The following DMD variants were observed in gnomAD, a reference collection of about 807,000 sequenced individuals.
The protein encoded by DMD is mutant dystrophin.
DMD carries 63 observed loss-of-function variants against 330.1 expected under a neutral mutation model. That is an observed-to-expected ratio of 0.19 (90% CI 0.16 to 0.24). The LOEUF (loss-of-function observed/expected upper bound fraction) is 0.24. DMD is among the 10% of genes least tolerant of loss of function. DMD has a pLI of 1.00. For synonymous variants in DMD, 1,223 were observed against 959.8 expected, an observed-to-expected ratio of 1.27 and a Z score of -5.07; for missense variants, 3,344 against 2,684.1, an observed-to-expected ratio of 1.25 and a Z score of -5.43.
chrX:32,867,390 A>T (rs2082598484), intron 2 of DMD, among the ~76,000 whole-genome samples: 1 of 112,315 alleles, frequency 8.9e-6, no homozygotes, highest in South Asian at 3.7e-4. Context: ...ATTTTAAAAT[A>T]AAGTTGAATA....
rs755716297 is a variant in DMD at position 31,888,928 on chromosome X, T to A, written c.6913-13555A>T. On this transcript the variant is annotated intron_variant, in intron 47 of 78. Coordinates refer to ENST00000357033, the MANE Select transcript of DMD (RefSeq NM_004006.3). Reference sequence around the variant, plus strand: ...ATTTCCTTTTTAAAGCATGTGGATTTTACTTACGATGCTTATACATCTATA... The same window carrying A: ...ATTTCCTTTTTAAAGCATGTGGATTATACTTACGATGCTTATACATCTATA... 2.7e-5 allele frequency among the ~76,000 whole-genome samples: 3 copies of A among 112,262 alleles called. No homozygotes were observed. The East Asian group carries it at 8.4e-4, about 31-fold the overall frequency.
At chrX:31,883,856 G>A (rs1434985643) in intron 47 of DMD, among the ~76,000 whole-genome samples, 2 of 106,070 alleles carry the variant, frequency 1.9e-5, no homozygotes, top group Non-Finnish European at 1.9e-5. Context: ...TTTCTCTAAA[G>A]CAAACATACA....
intron 9 of DMD, among the ~76,000 whole-genome samples, chrX:32,652,889 G>C (rs147378891): frequency 3.1e-4 from 35 of 112,021 alleles, no homozygotes; most frequent in African/African-American, 1.1e-3. Flanking sequence ...TTGTGGTTTT[G>C]ATTTGCATTT....
At chrX:31,931,660 A>T (rs1422297947) in intron 46 of DMD, among the ~76,000 whole-genome samples, 1 of 111,675 alleles carries the variant, frequency 9.0e-6, no homozygotes, top group African/African-American at 3.3e-5. Flanking sequence ...AGGACAGATT[A>T]AAAAAGTGAT....
intron 74 of DMD, among the ~76,000 whole-genome samples, chrX:31,154,449 C>A (rs776036237): frequency 2.8e-5 from 3 of 106,390 alleles, no homozygotes; most frequent in African/African-American, 1.0e-4. Flanking sequence ...CCCGCCACCA[C>A]GCCCGGCTTT....
intron 51 of DMD, among the ~76,000 whole-genome samples, chrX:31,751,126 C>T (rs969471825): frequency 3.7e-5 from 4 of 107,597 alleles, no homozygotes; most frequent in Admixed American, 1.0e-4. Context: ...TGACTTTCTT[C>T]ACAGAATTGG....
intron 7 of DMD, 132 bp from the exon 8 acceptor site, chrX:32,699,425 G>C (rs1298073589): frequency 1.8e-6 from 1 of 558,911 alleles, no homozygotes; most frequent in Non-Finnish European, 3.0e-6. Context: ...ATGTCCTCCA[G>C]AGACTAATTA....
rs770558720 is a variant in DMD, at chrX:33,107,595, C to T, written c.32-87395G>A. 3.6e-5 allele frequency among the ~76,000 whole-genome samples: 4 copies of T among 110,300 alleles called. No homozygotes were observed. The South Asian group carries it at 1.5e-3, about 42-fold the overall frequency. On this transcript the variant is annotated intron_variant, in intron 1 of 78. Transcript: ENST00000357033. ...TTCCATGGTAATGATTATTTAAAAC[C>T]CCATATTGACTATGAATTTATAGAT...
At chrX:33,196,615 G>A (rs2050956629) in intron 1 of DMD, among the ~76,000 whole-genome samples, 1 of 111,982 alleles carries the variant, frequency 8.9e-6, no homozygotes. Flanking sequence ...ATATACATTA[G>A]TTATTTGTGA....
intron 1 of DMD, among the ~76,000 whole-genome samples, chrX:33,318,713 C>G (rs1199282982): frequency 9.1e-6 from 1 of 110,240 alleles, no homozygotes; most frequent in Non-Finnish European, 1.9e-5. Context: ...TCCCAAAGTG[C>G]TGGGGTTACA....
intron 50 of DMD, among the ~76,000 whole-genome samples, chrX:31,779,047 C>T (rs1361646388): frequency 9.0e-6 from 1 of 111,363 alleles, no homozygotes; most frequent in Non-Finnish European, 1.9e-5. Context: ...TGGTTTTGTA[C>T]AGTCTGAGCA....
intron 52 of DMD, among the ~76,000 whole-genome samples, chrX:31,725,750 G>A (rs986691216): frequency 8.9e-6 from 1 of 112,032 alleles, no homozygotes; most frequent in African/African-American, 3.2e-5. Context: ...TGGGGGTTAC[G>A]GAGGGAGAAG....
intron 9 of DMD, among the ~76,000 whole-genome samples, chrX:32,655,791 T>A (rs2060523499): frequency 9.0e-6 from 1 of 111,389 alleles, no homozygotes; most frequent in Non-Finnish European, 1.9e-5. Context: ...TTTGTAGGTC[T>A]ATAAGGACTT....
chrX:31,341,526 G>C (rs1293748558), intron 61 of DMD, among the ~76,000 whole-genome samples: 1 of 111,735 alleles, frequency 8.9e-6, no homozygotes, highest in Non-Finnish European at 1.9e-5. Flanking sequence ...TAGCCCAGAG[G>C]TGTTGAGAGA....
intron 44 of DMD, among the ~76,000 whole-genome samples, chrX:31,986,933 A>G (rs781498747): frequency 2.7e-5 from 3 of 112,162 alleles, no homozygotes; most frequent in Non-Finnish European, 5.6e-5. Flanking sequence ...TAACTATGAT[A>G]GAAATGGAGT....
At position 32,069,021 on chromosome X, in the gene DMD, T is replaced by G. The variant is rs980456336; in HGVS notation, c.6439-100507A>C. Among the ~76,000 whole-genome samples, 6 of 112,170 alleles carry G rather than the reference T, an allele frequency of 5.3e-5. No homozygotes were observed. In the Admixed American group the frequency reaches 5.7e-4, roughly 11 times the overall value. On this transcript the variant is annotated intron_variant, in intron 44 of 78. Transcript: ENST00000357033. ...CAGAGTCATAGCCCAATCCTTATCATGAAATACCTGGGACAAAGTATCTGA... is the reference window on the plus strand; with the variant it reads ...CAGAGTCATAGCCCAATCCTTATCAGGAAATACCTGGGACAAAGTATCTGA...
chrX:32,270,441 T>C, intron 43 of DMD, among the ~76,000 whole-genome samples: 1 of 111,778 alleles, frequency 8.9e-6, no homozygotes, highest in South Asian at 3.8e-4. Flanking sequence ...AATGTTTAAT[T>C]AATACTGTAA....
chrX:33,056,550 C>G (rs756762436), intron 1 of DMD, among the ~76,000 whole-genome samples: 1 of 109,227 alleles, frequency 9.2e-6, no homozygotes, highest in East Asian at 2.9e-4. Context: ...TTAGTAGAGA[C>G]GGGGTTTTAC....
At chrX:31,161,784 C>T (rs1173766884) in intron 74 of DMD, among the ~76,000 whole-genome samples, 1 of 110,915 alleles carries the variant, frequency 9.0e-6, no homozygotes, top group East Asian at 2.8e-4. Flanking sequence ...TCTCAATCCT[C>T]CCCCCCGTCA....
Sources: gnomAD v4.1 joint callset for allele counts (sites outside exome capture counted in the v4.1 genomes callset) on GRCh38, gnomAD v4.1.1 for gene constraint, MANE v1.5 for transcripts, NCBI Gene and HGNC (gene_info 2026-07-23, HGNC 2026-07-21) for gene names.